Variants in ROBO2 observed in about 807,000 individuals in gnomAD.
The protein encoded by ROBO2 is roundabout guidance receptor 2.
In ROBO2, 53 loss-of-function variants were observed where a neutral mutation model predicts 160.8. That is an observed-to-expected ratio of 0.33 (90% CI 0.26 to 0.41). The LOEUF is 0.41. Among genes scored for constraint, ROBO2 ranks in the 10% least tolerant of loss-of-function variants. The probability of loss-of-function intolerance (pLI) is 1.00; values close to 1 mark genes in which losing one functional copy is unlikely to be tolerated. For missense variants in ROBO2, 1,577 were observed against 1,722.4 expected (o/e 0.92, Z 1.49); for synonymous variants, 664 against 611.7 (o/e 1.09, Z -1.26).
chr3:77,502,120 T>G (rs2087704157), intron 5 of ROBO2, among the ~76,000 whole-genome samples: 1 of 152,206 alleles, frequency 6.6e-6, no homozygotes, highest in African/African-American at 2.4e-5. Context: ...AGGGTAAATA[T>G]GCCAACATCA....
chr3:76,118,736 A>G lies in ROBO2; in HGVS notation c.109+181134A>G, dbSNP rs2070586414. Among the ~76,000 whole-genome samples, 5 of 152,278 alleles carry G rather than the reference A, an allele frequency of 3.3e-5. No individual in the cohort carries two copies. In the South Asian group the frequency reaches 1.0e-3, roughly 32 times the overall value. On this transcript the variant is annotated intron_variant, in intron 2 of 26. Transcript: ENST00000487694. The stretch of plus-strand genomic sequence containing the variant: ...ATATAGACTGTATATGTTTCTGAAA[A>G]ATGTGAATCTTTTCTAATCTTAGCA...
At chr3:75,970,667 ATC>A (rs1422036657) in intron 2 of ROBO2, among the ~76,000 whole-genome samples, 1 of 151,528 alleles carries the variant, frequency 6.6e-6, no homozygotes, top group Non-Finnish European at 1.5e-5. Flanking sequence ...TCACTGTGCA[ATC>A]TTTAATCAAA....
chr3:76,650,978 A>G (rs912506281), intron 2 of ROBO2, among the ~76,000 whole-genome samples: 8 of 152,342 alleles, frequency 5.3e-5, no homozygotes, highest in Admixed American at 3.9e-4. Context: ...GGTCGTCTGT[A>G]TATTTCCACC....
At chr3:76,870,948 T>TA (rs1385070094) in intron 2 of ROBO2, among the ~76,000 whole-genome samples, 1 of 152,132 alleles carries the variant, frequency 6.6e-6, no homozygotes, top group African/African-American at 2.4e-5. Flanking sequence ...AGAAACAAAA[T>TA]ACATAGACAT....
intron 1 of ROBO2, among the ~76,000 whole-genome samples, chr3:77,064,567 G>A (rs1393491174): frequency 2.0e-5 from 3 of 151,778 alleles, no homozygotes; most frequent in Non-Finnish European, 4.4e-5. Context: ...TGCCATATTG[G>A]CCCGGCTGGT....
At chr3:76,211,922 T>G (rs1338174909) in intron 2 of ROBO2, among the ~76,000 whole-genome samples, 1 of 152,012 alleles carries the variant, frequency 6.6e-6, no homozygotes, top group Non-Finnish European at 1.5e-5. Context: ...TTAAACATGT[T>G]TCTTTTAATA....
chr3:76,905,432 T>G (rs931362774), intron 2 of ROBO2, among the ~76,000 whole-genome samples: 1 of 152,150 alleles, frequency 6.6e-6, no homozygotes, highest in African/African-American at 2.4e-5. Flanking sequence ...AATATATATT[T>G]TTAACATTTA....
intron 2 of ROBO2, among the ~76,000 whole-genome samples, chr3:76,475,169 T>C (rs548622800): frequency 6.6e-6 from 1 of 152,070 alleles, no homozygotes; most frequent in South Asian, 2.1e-4. Flanking sequence ...CAGGACCAGG[T>C]TCACTCATAA....
Position 77,309,417 on chromosome 3 carries a change from A to G in ROBO2, c.389-167997A>G, listed in dbSNP as rs192118899. On this transcript the variant is annotated intron_variant, in intron 2 of 25. Coordinates refer to ENST00000461745, the Ensembl canonical transcript of ROBO2. ...GTTGTTCCTAAATTCTGGTGTTTTC[A>G]TCTGGAGGGACTGAAGAGAACTTCT... 4.3e-4 allele frequency among the ~76,000 whole-genome samples: 65 copies of G among 152,330 alleles called. 1 individual carries two copies.
At chr3:76,158,007 C>G (rs1279660441) in intron 2 of ROBO2, among the ~76,000 whole-genome samples, 1 of 152,082 alleles carries the variant, frequency 6.6e-6, no homozygotes, top group Non-Finnish European at 1.5e-5. Context: ...AGTAATCTCT[C>G]TAAGAAGTTC....
At chr3:77,533,158 A>C (rs78352044) in intron 6 of ROBO2, among the ~76,000 whole-genome samples, 12,498 of 152,150 alleles carry the variant, frequency 0.082, 975 homozygotes, top group African/African-American at 0.2. Flanking sequence ...ATATCTTACT[A>C]AAAACATACT....
chr3:75,988,938 A>G (rs1354781855), intron 2 of ROBO2, among the ~76,000 whole-genome samples: 3 of 150,474 alleles, frequency 2.0e-5, no homozygotes, highest in Non-Finnish European at 4.4e-5. Context: ...TACTATTAAT[A>G]TAAGTTTAAA....
At chr3:77,536,052 A>G (rs963271078) in intron 6 of ROBO2, among the ~76,000 whole-genome samples, 5 of 152,208 alleles carry the variant, frequency 3.3e-5, no homozygotes, top group Non-Finnish European at 5.9e-5. Flanking sequence ...TAAACCCAGT[A>G]AAGACCATTT....
At chr3:76,185,215 T>TATATATATATATATATAC in intron 2 of ROBO2, among the ~76,000 whole-genome samples, 31 of 90,284 alleles carry the variant, frequency 3.4e-4, no homozygotes, top group Non-Finnish European at 4.4e-4. Flanking sequence ...TATATATATA[T>TATATATATATATATATAC]ACACACACAA....
chr3:77,253,717 G>C (rs1156647192), intron 2 of ROBO2, among the ~76,000 whole-genome samples: 2 of 152,088 alleles, frequency 1.3e-5, no homozygotes, highest in Non-Finnish European at 2.9e-5. Flanking sequence ...GCATATTCTT[G>C]TGTTCTAAAT....
chr3:76,481,841 C>T (rs868107307), intron 2 of ROBO2, among the ~76,000 whole-genome samples: 1 of 152,022 alleles, frequency 6.6e-6, no homozygotes, highest in Admixed American at 6.6e-5. Context: ...GATTAGGTGG[C>T]CTTGTTCAAA....
At chr3:76,351,534 T>A (rs2108289696) in intron 2 of ROBO2, among the ~76,000 whole-genome samples, 1 of 152,104 alleles carries the variant, frequency 6.6e-6, no homozygotes, top group Non-Finnish European at 1.5e-5. Context: ...ATATATTTTT[T>A]CAACTCCACA....
chr3:77,012,423 A>G (rs2061977138), intron 2 of ROBO2, among the ~76,000 whole-genome samples: 1 of 152,216 alleles, frequency 6.6e-6, no homozygotes. Flanking sequence ...CATAAATTAC[A>G]AAAGTTAAAT....
At chr3:77,563,083 C>T (rs2093376462) in intron 10 of ROBO2, 84 bp from the exon 12 acceptor site, 1 of 1,336,536 alleles carries the variant, frequency 7.5e-7, no homozygotes, top group African/African-American at 1.4e-5. Flanking sequence ...AGGTCAGGTC[C>T]TTTAGTAGAC....
Sources: gnomAD v4.1 joint callset for allele counts (sites outside exome capture counted in the v4.1 genomes callset) on GRCh38, gnomAD v4.1.1 for gene constraint, MANE v1.5 for transcripts, NCBI Gene and HGNC (gene_info 2026-07-23, HGNC 2026-07-21) for gene names.